The following BACE2 variants were observed in gnomAD, a reference collection of about 807,000 sequenced individuals.
The protein encoded by BACE2 is 56 kDa aspartic-like protease.
BACE2 carries 17 observed loss-of-function variants against 46.2 expected under a neutral mutation model. That is an observed-to-expected ratio of 0.37 (90% CI 0.25 to 0.55). The LOEUF is 0.55. BACE2 is among the 20% of genes least tolerant of loss of function. BACE2 has a pLI of 0.82. For synonymous variants in BACE2, 277 were observed against 295.9 expected (o/e 0.94, Z 0.66); for missense variants, 595 against 698.1 (o/e 0.85, Z 1.66).
rs2088499567 is a variant in BACE2, at chr21:41,277,185, GTT to G, written c.*1563_*1564del. The G allele has an allele frequency of 6.6e-6, 1 of 152,070 alleles. No homozygotes were observed. Among genetic ancestry groups the G allele is most frequent in the Non-Finnish European group, 1.5e-5 (1 of 68,086 alleles). The allele number at this position is 152,070 out of a possible 1,614,324, so 9.4% of individuals were successfully genotyped here. A position where few individuals can be genotyped will look rare whatever the true frequency, so the allele number is the denominator to read the frequency against. The stretch of plus-strand genomic sequence containing the variant: ...TATTCACAGTAGGCTACGTGTGGAT[GTT>G]TCAGCCATCTGCTCTGCTCCCTGGG... On this transcript the variant is annotated 3_prime_UTR_variant, in exon 9 of 9. Transcript: ENST00000330333.
chr21:41,177,621 G>C (rs1029368825), intron 1 of BACE2: 1 of 152,246 alleles, frequency 6.6e-6, no homozygotes, highest in Admixed American at 6.5e-5. Context: ...TATTGCGAGA[G>C]TTAAGTGAGC....
chr21:41,247,200 G>A (rs1365865636), intron 6 of BACE2, among the ~76,000 whole-genome samples: 1 of 152,160 alleles, frequency 6.6e-6, no homozygotes, highest in Non-Finnish European at 1.5e-5. Flanking sequence ...AGCGGGAGAG[G>A]GCTTTGGGTT....
chr21:41,194,501 G>T (rs768678519), intron 1 of BACE2, among the ~76,000 whole-genome samples: 10 of 152,158 alleles, frequency 6.6e-5, no homozygotes, highest in Non-Finnish European at 1.3e-4. Flanking sequence ...TTTCCTGGGG[G>T]ACTTTAGGGA....
intron 1 of BACE2, among the ~76,000 whole-genome samples, chr21:41,204,937 C>CT (rs1298269905): frequency 4.0e-5 from 6 of 151,682 alleles, no homozygotes; most frequent in South Asian, 2.1e-4. Flanking sequence ...TATTAAAATA[C>CT]TTTTTTTTTC....
At chr21:41,249,905 C>T (rs529109818) in intron 6 of BACE2, among the ~76,000 whole-genome samples, 3 of 152,324 alleles carry the variant, frequency 2.0e-5, no homozygotes, top group East Asian at 1.9e-4. Context: ...ACCTTCCTTC[C>T]GGTTCCCTGG....
At chr21:41,202,764 A>G (rs4816714) in intron 1 of BACE2, among the ~76,000 whole-genome samples, 25,729 of 152,062 alleles carry the variant, frequency 0.17, 2,393 homozygotes, top group African/African-American at 0.25. Context: ...GACGGGACCA[A>G]TCGGTGCTCC....
At chr21:41,218,365 A>C (rs1986538632) in intron 1 of BACE2, among the ~76,000 whole-genome samples, 1 of 152,240 alleles carries the variant, frequency 6.6e-6, no homozygotes, top group South Asian at 2.1e-4. Flanking sequence ...ACCCAGGCAG[A>C]TCATTCTTCA....
chr21:41,252,071 C>T (rs1378147645), intron 7 of BACE2, among the ~76,000 whole-genome samples: 1 of 152,164 alleles, frequency 6.6e-6, no homozygotes, highest in East Asian at 1.9e-4. Context: ...AGCCCCCACC[C>T]TCTCTTCTTT....
intron 1 of BACE2, among the ~76,000 whole-genome samples, chr21:41,216,508 C>T (rs1986471865): frequency 6.6e-6 from 1 of 152,238 alleles, no homozygotes; most frequent in South Asian, 2.1e-4. Context: ...GAATGCAGTC[C>T]ACACTTTGGT....
chr21:41,214,374 G>A (rs1213378415), intron 1 of BACE2, among the ~76,000 whole-genome samples: 2 of 152,186 alleles, frequency 1.3e-5, no homozygotes, highest in Non-Finnish European at 2.9e-5. Context: ...CTACCCATCC[G>A]TGATGTGTGC....
chr21:41,168,385 G>A lies in BACE2; in HGVS notation c.122G>A (p.Arg41His). The part of the protein sequence containing the change: ...LPLRVAAATN[R>H]VVAPTPGPGT... Reference sequence around the variant, plus strand: ...CTCCGGGTGGCCGCGGCCACGAACCGCGTAGTTGCGCCCACCCCGGGACCC... The same window carrying A: ...CTCCGGGTGGCCGCGGCCACGAACCACGTAGTTGCGCCCACCCCGGGACCC... Residue 41 changes from arginine to histidine, a missense_variant, in exon 1 of 9, where the codon CGC becomes CAC. By Grantham distance (29) the Arg-to-His change is conservative. Coordinates refer to ENST00000330333, the MANE Select transcript of BACE2 (RefSeq NM_012105.5). 3 of 1,412,916 alleles carry A rather than the reference G, an allele frequency of 2.1e-6. No individual in the cohort carries two copies. Among genetic ancestry groups the A allele is most frequent in the South Asian group, 1.5e-5 (1 of 64,978 alleles). The allele number at this position is 1,412,916 out of a possible 1,614,324, so 87.5% of individuals were successfully genotyped here.
intron 2 of BACE2, among the ~76,000 whole-genome samples, chr21:41,227,312 A>G (rs890928013): frequency 2.6e-5 from 4 of 152,172 alleles, no homozygotes; most frequent in African/African-American, 9.7e-5. Flanking sequence ...CGGAACTGTC[A>G]CATTAGGTTT....
intron 1 of BACE2, chr21:41,180,118 A>G (rs1461322758): frequency 4.9e-6 from 1 of 204,732 alleles, no homozygotes; most frequent in African/African-American, 2.4e-5. Flanking sequence ...TCCACTTTTA[A>G]TTATATGCAA....
chr21:41,221,982 C>T (rs576808711), intron 1 of BACE2, among the ~76,000 whole-genome samples: 1 of 152,314 alleles, frequency 6.6e-6, no homozygotes, highest in African/African-American at 2.4e-5. Context: ...TGTCGGGACC[C>T]CGTGAATGGC....
intron 7 of BACE2, among the ~76,000 whole-genome samples, chr21:41,251,875 C>A (rs372012503): frequency 1.3e-5 from 2 of 152,052 alleles, no homozygotes; most frequent in African/African-American, 4.8e-5. Flanking sequence ...GTGAAGACAT[C>A]ATTTTTTTCC....
At chr21:41,234,108 T>C (rs1281245818) in intron 2 of BACE2, among the ~76,000 whole-genome samples, 4 of 152,064 alleles carry the variant, frequency 2.6e-5, no homozygotes, top group Non-Finnish European at 5.9e-5. Context: ...GGGGCGGTTT[T>C]TCCCCATACA....
intron 1 of BACE2, among the ~76,000 whole-genome samples, chr21:41,218,867 GA>G (rs1986553754): frequency 8.3e-6 from 1 of 120,842 alleles, no homozygotes; most frequent in Non-Finnish European, 1.7e-5. Flanking sequence ...CAAACATCTT[GA>G]CTTTTTTTTT....
chr21:41,216,877 A>G (rs1986485299), intron 1 of BACE2, among the ~76,000 whole-genome samples: 2 of 152,204 alleles, frequency 1.3e-5, no homozygotes, highest in Non-Finnish European at 2.9e-5. Flanking sequence ...TCCACGATGG[A>G]CAGTGGGCAC....
intron 2 of BACE2, among the ~76,000 whole-genome samples, chr21:41,236,457 G>T (rs1035665597): frequency 6.6e-6 from 1 of 152,156 alleles, no homozygotes; most frequent in Non-Finnish European, 1.5e-5. Flanking sequence ...CAGGACTTTC[G>T]TCTGATCTTG....
Sources: allele counts gnomAD v4.1 joint callset (sites outside exome capture counted in the v4.1 genomes callset), GRCh38; gene constraint gnomAD v4.1.1; transcripts MANE v1.5; gene names NCBI Gene and HGNC (gene_info 2026-07-23, HGNC 2026-07-21).